CD99: variants seen among roughly 807,000 people sequenced by gnomAD.
CD99 encodes CD99 antigen.
Under a neutral mutation model 28.4 loss-of-function variants are expected in CD99, and 19 were observed. The ratio of observed to expected loss-of-function variants is 0.67; its 90% confidence interval spans 0.47 to 0.98. CD99 has a LOEUF of 0.98. CD99 is among the 50% of genes least tolerant of loss of function. The probability of loss-of-function intolerance (pLI) is 0.00; values close to 1 mark genes in which losing one functional copy is unlikely to be tolerated. For missense variants in CD99, 283 were observed against 248.8 expected, an observed-to-expected ratio of 1.14 and a Z score of -0.92; for synonymous variants, 103 against 92.1, an observed-to-expected ratio of 1.12 and a Z score of -0.67.
At chrX:2,716,851 G>C (rs1234187346) in intron 2 of CD99, among the ~76,000 whole-genome samples, 1 of 152,216 alleles carries the variant, frequency 6.6e-6, no homozygotes, top group East Asian at 1.9e-4. Context: ...TCCATTCTCA[G>C]AGGGGGCAGC....
intron 1 of CD99, among the ~76,000 whole-genome samples, chrX:2,711,313 G>A (rs947698192): frequency 1.4e-5 from 2 of 148,012 alleles, no homozygotes; most frequent in Non-Finnish European, 1.5e-5. Context: ...TATATAGTAT[G>A]TATGTATATG....
chrX:2,717,465 G>C lies in CD99; in HGVS notation c.101-140G>C. ...GAGTCGTTGTATAAACCTCAGCTCG[G>C]TGTGGGCAGGTGAGAAAAAACAATG... On this transcript the variant is annotated intron_variant, in intron 2 of 9. Transcript: ENST00000381192. 1.2e-5 allele frequency: 8 copies of C among 693,166 alleles called. No homozygotes were observed. The South Asian group carries it at 1.2e-4, about 11-fold the overall frequency. 42.9% of individuals were successfully genotyped at this position (693,166 alleles called of 1,614,324 possible).
In CD99 at chrX:2,731,968, C is replaced by A. The variant is rs778953938; in HGVS notation, c.475+5595C>A. Among the ~76,000 whole-genome samples, 39 of 128,456 alleles carry A rather than the reference C, an allele frequency of 3.0e-4. 1 individual carries two copies. In the East Asian group the frequency reaches 7.0e-3, roughly 23 times the overall value. The allele number at this position is 128,456 out of a possible 152,430, so 84.3% of individuals were successfully genotyped here. On this transcript the variant is annotated intron_variant, in intron 8 of 9. Coordinates refer to ENST00000381192, the MANE Select transcript of CD99 (RefSeq NM_002414.5). ...AGCAAGACCTCGTGTCTACAAAAAA[C>A]GTAAAAAAAAAAAAATTAGCTGAGT... is the stretch of plus-strand genomic sequence containing the variant.
At chrX:2,720,620 C>CTTTTTTTTTTTTTTTTTTTT (rs71281938) in intron 5 of CD99, among the ~76,000 whole-genome samples, 196 bp downstream of exon 5, 1 of 83,920 alleles carries the variant, frequency 1.2e-5, no homozygotes, top group African/African-American at 4.9e-5. Context: ...TTTTAGTTTG[C>CTTTTTTTTTTTTTTTTTTTT]TTTTTTTTTT....
intron 1 of CD99, 150 bp downstream of exon 1, chrX:2,691,577 A>G: frequency 1.2e-6 from 1 of 856,154 alleles, no homozygotes; most frequent in Non-Finnish European, 1.9e-6. Context: ...ACGGGGGCCC[A>G]GGCCCGGAGG....
At chrX:2,720,497 A>C (rs1301228241) in intron 5 of CD99, 73 bp downstream of exon 5, 11 of 1,413,370 alleles carry the variant, frequency 7.8e-6, no homozygotes, top group Non-Finnish European at 1.0e-5. Context: ...AGCTGAGAGG[A>C]GGTGATTTCA....
intron 1 of CD99, among the ~76,000 whole-genome samples, chrX:2,697,498 G>A (rs1315444584): frequency 1.3e-5 from 2 of 152,142 alleles, no homozygotes; most frequent in Non-Finnish European, 2.9e-5. Context: ...CCTGACTCTT[G>A]TTTGTTTCTG....
rs774408489 is a variant in CD99, at chrX:2,709,579, C to T, written c.68-4843C>T. Among the ~76,000 whole-genome samples the T allele has an allele frequency of 2.0e-5, 3 of 152,398 alleles. No homozygotes were observed. The East Asian group carries it at 5.8e-4, about 29-fold the overall frequency. Reference sequence around the variant, plus strand: ...CATGCACATGTGTGCCCACACCATACACCCACACATACGTGCAGGAGCACA... The same window carrying T: ...CATGCACATGTGTGCCCACACCATATACCCACACATACGTGCAGGAGCACA... On this transcript the variant is annotated intron_variant, in intron 1 of 9. Coordinates refer to ENST00000381192, the MANE Select transcript of CD99 (RefSeq NM_002414.5).
chrX:2,720,513 G>T (rs2048941203), intron 5 of CD99, 89 bp downstream of exon 5: 1 of 1,257,480 alleles, frequency 8.0e-7, no homozygotes, highest in East Asian at 2.3e-5. Context: ...TTTCAGATGA[G>T]TGTGTGCTTA....
intron 8 of CD99, among the ~76,000 whole-genome samples, chrX:2,729,396 C>G (rs311084): frequency 6.6e-6 from 1 of 151,914 alleles, no homozygotes; most frequent in Non-Finnish European, 1.5e-5. Flanking sequence ...AAAGAGGATT[C>G]ATTGATTCAC....
rs1237928374 is a variant in CD99, at chrX:2,701,211, GCATC to G, written c.67+9803_67+9806del. On this transcript the variant is annotated intron_variant, in intron 1 of 9. Coordinates refer to ENST00000381192, the MANE Select transcript of CD99 (RefSeq NM_002414.5). ...CTAATTTATCCACTCACCCACGCATGCATCCATCCATCCATCCATCCACCCACCC... is the reference window on the plus strand; with the variant it reads ...CTAATTTATCCACTCACCCACGCATGCATCCATCCATCCATCCACCCACCC... Among the ~76,000 whole-genome samples, 6 of 132,750 alleles carry G rather than the reference GCATC, an allele frequency of 4.5e-5. No individual in the cohort carries two copies. In the South Asian group the frequency reaches 7.4e-4, roughly 16 times the overall value. The allele number at this position is 132,750 out of a possible 152,430, so 87.1% of individuals were successfully genotyped here.
intron 1 of CD99, among the ~76,000 whole-genome samples, chrX:2,696,004 C>T (rs1026444402): frequency 1.3e-5 from 2 of 152,110 alleles, no homozygotes; most frequent in Non-Finnish European, 2.9e-5. Flanking sequence ...GAAAAACAAA[C>T]CAAACTTTAT....
At chrX:2,734,114 C>T (rs1313589489) in intron 8 of CD99, among the ~76,000 whole-genome samples, 1 of 152,134 alleles carries the variant, frequency 6.6e-6, no homozygotes, top group Non-Finnish European at 1.5e-5. Flanking sequence ...ACAAATTGTA[C>T]CTGGATTTTC....
At chrX:2,725,006 G>A (rs1226503132) in intron 7 of CD99, among the ~76,000 whole-genome samples, 6 of 151,136 alleles carry the variant, frequency 4.0e-5, no homozygotes, top group Non-Finnish European at 8.8e-5. Context: ...AGGTTGCAGT[G>A]AGCCGAGATC....
chrX:2,705,963 C>G (rs2048092437), intron 1 of CD99, among the ~76,000 whole-genome samples: 1 of 151,728 alleles, frequency 6.6e-6, no homozygotes, highest in African/African-American at 2.4e-5. Flanking sequence ...ACAATTATCT[C>G]TAGGCTGGGG....
At chrX:2,692,565 A>G (rs1311223399) in intron 1 of CD99, among the ~76,000 whole-genome samples, 16 of 152,220 alleles carry the variant, frequency 1.1e-4, no homozygotes, top group Non-Finnish European at 2.4e-4. Context: ...GGTAGAGATT[A>G]GAGATAATGA....
At chrX:2,691,973 G>A (rs758514740) in intron 1 of CD99, 3 of 765,602 alleles carry the variant, frequency 3.9e-6, no homozygotes, top group African/African-American at 3.4e-5. Flanking sequence ...AATACTCTGT[G>A]GATGCGGGCT....
chrX:2,728,276 C>A (rs1308258840), intron 8 of CD99, among the ~76,000 whole-genome samples: 12 of 146,416 alleles, frequency 8.2e-5, no homozygotes, highest in Admixed American at 2.8e-4. Context: ...TCCATCTTGG[C>A]TCACTGCAAC....
chrX:2,691,405 GGGTGTTCT>G lies in CD99; in HGVS notation c.49_56del (p.Val17ArgfsTer15). 1 of 1,585,366 alleles carries G rather than the reference GGGTGTTCT, an allele frequency of 6.3e-7. No individual in the cohort carries two copies. The highest frequency in any genetic ancestry group is 8.5e-7 in the Non-Finnish European group (1 of 1,174,828). On this transcript the variant is annotated frameshift_variant, in exon 1 of 10. Transcript: ENST00000381192. LOFTEE classifies it high-confidence loss of function. ...TGGCGCTGCTGCTCTTCGGCCTGCT[GGGTGTTCT>G]GGTCGCCGCCCCGGGTGAGCGAGCG...
Sources: gnomAD v4.1 joint callset for allele counts (sites outside exome capture counted in the v4.1 genomes callset) on GRCh38, gnomAD v4.1.1 for gene constraint, MANE v1.5 for transcripts, NCBI Gene and HGNC (gene_info 2026-07-23, HGNC 2026-07-21) for gene names.